REPS2: variants seen among roughly 807,000 people sequenced by gnomAD.
REPS2 encodes ralBP1-associated Eps domain-containing protein 2.
REPS2 carries 23 observed loss-of-function variants against 53.6 expected under a neutral mutation model. The ratio of observed to expected loss-of-function variants is 0.43; its 90% CI spans 0.31 to 0.61. The LOEUF (loss-of-function observed/expected upper bound fraction) is 0.61. Among genes scored for constraint, REPS2 ranks in the 20% least tolerant of loss-of-function variants. The pLI, the probability that REPS2 is intolerant of heterozygous loss-of-function variation, is 0.11. For synonymous variants in REPS2, 238 were observed against 218.6 expected (o/e 1.09, Z -0.78); for missense variants, 446 against 534.9 (o/e 0.83, Z 1.64).
intron 14 of REPS2, among the ~76,000 whole-genome samples, chrX:17,116,388 T>A (rs1468217573): frequency 9.1e-6 from 1 of 110,103 alleles, no homozygotes; most frequent in East Asian, 2.8e-4. Flanking sequence ...TTTTTGTATT[T>A]TTTGTAGAGA....
At chrX:17,185,039 A>G in the REPS2 span, among the ~76,000 whole-genome samples, 2 of 111,205 alleles carry the variant, frequency 1.8e-5, no homozygotes, top group African/African-American at 3.3e-5. Flanking sequence ...GTGGGTTGCC[A>G]GTTTGGTCTA....
the REPS2 span, among the ~76,000 whole-genome samples, chrX:17,176,530 T>A: frequency 9.0e-6 from 1 of 111,509 alleles, no homozygotes; most frequent in African/African-American, 3.3e-5. Flanking sequence ...GAACGTAGAG[T>A]AGTTCTGTTT....
intron 13 of REPS2, among the ~76,000 whole-genome samples, chrX:17,077,864 G>A (rs2062402965): frequency 8.9e-6 from 1 of 112,540 alleles, no homozygotes; most frequent in African/African-American, 3.2e-5. Context: ...GTGTCCTGTA[G>A]GATTTAATGC....
intron 3 of REPS2, among the ~76,000 whole-genome samples, chrX:17,023,635 C>G (rs753334075): frequency 9.0e-6 from 1 of 111,104 alleles, no homozygotes; most frequent in South Asian, 3.8e-4. Context: ...ATAATTCTGA[C>G]ACATTTTAAA....
In REPS2 at chrX:17,072,676, G is replaced by A. The variant is rs184894632; in HGVS notation, c.1334-1438G>A. On this transcript the variant is annotated intron_variant, in intron 11 of 17. Transcript: ENST00000357277. ...AAGCAGTGGGGCCTGAGGGAGAAGA[G>A]GGCCACGGAGCCAGCTGCAGGCAGC... 5.3e-3 allele frequency among the ~76,000 whole-genome samples: 599 copies of A among 112,460 alleles called. 7 individuals are homozygous for A. The highest frequency in any genetic ancestry group is 0.05 in the Admixed American group (537 of 10,709).
the REPS2 span, among the ~76,000 whole-genome samples, chrX:17,191,768 G>A: frequency 2.7e-5 from 3 of 112,397 alleles, no homozygotes; most frequent in African/African-American, 9.7e-5. Flanking sequence ...AAAGAAGTCA[G>A]GCCCCAAAGG....
At chrX:17,015,190 T>C (rs1025693318) in intron 2 of REPS2, among the ~76,000 whole-genome samples, 1 of 112,954 alleles carries the variant, frequency 8.9e-6, no homozygotes, top group African/African-American at 3.2e-5. Flanking sequence ...CCACTTGCCA[T>C]GTGTGGCTAT....
chrX:17,134,692 C>T (rs1337698912), intron 15 of REPS2, among the ~76,000 whole-genome samples: 2 of 109,957 alleles, frequency 1.8e-5, no homozygotes, highest in Admixed American at 9.6e-5. Flanking sequence ...TGCAGTGGCG[C>T]GATCTCGGCT....
intron 13 of REPS2, among the ~76,000 whole-genome samples, chrX:17,086,589 G>C (rs1372130480): frequency 8.9e-6 from 1 of 112,227 alleles, no homozygotes; most frequent in Non-Finnish European, 1.9e-5. Context: ...GCTGGCATGA[G>C]CTTTTTCCAG....
At chrX:17,002,281 C>T (rs1339190383) in intron 1 of REPS2, among the ~76,000 whole-genome samples, 1 of 111,073 alleles carries the variant, frequency 9.0e-6, no homozygotes, top group East Asian at 2.8e-4. Context: ...TGCATTGCTG[C>T]TCAGTTCTTA....
At chrX:17,139,412 G>A (rs1173182218) in intron 17 of REPS2, among the ~76,000 whole-genome samples, 2 of 111,216 alleles carry the variant, frequency 1.8e-5, no homozygotes, top group African/African-American at 3.3e-5. Context: ...TCAGTAGAAG[G>A]AAGTCACCTT....
chrX:17,058,693 C>T (rs2062110243), intron 8 of REPS2, among the ~76,000 whole-genome samples: 1 of 111,370 alleles, frequency 9.0e-6, no homozygotes, highest in East Asian at 2.8e-4. Flanking sequence ...AGGGAAGAAT[C>T]CATCATATAC....
chrX:17,167,169 C>A, the REPS2 span, among the ~76,000 whole-genome samples: 1 of 111,507 alleles, frequency 9.0e-6, no homozygotes, highest in Non-Finnish European at 1.9e-5. Flanking sequence ...ATGACTTCAA[C>A]CATATAAAAT....
At chrX:17,056,482 G>A (rs1279895027) in intron 8 of REPS2, among the ~76,000 whole-genome samples, 1 of 111,699 alleles carries the variant, frequency 9.0e-6, no homozygotes, top group Admixed American at 9.5e-5. Flanking sequence ...GAGGTCAGGA[G>A]ATCGAGACCA....
chrX:16,982,157 T>G (rs983007413), intron 1 of REPS2, among the ~76,000 whole-genome samples: 9 of 112,182 alleles, frequency 8.0e-5, no homozygotes, highest in Admixed American at 1.9e-4. Context: ...CTTTATTCCT[T>G]TTTATGGCCA....
intron 4 of REPS2, among the ~76,000 whole-genome samples, chrX:17,028,290 C>A (rs1004698137): frequency 6.2e-5 from 7 of 112,214 alleles, no homozygotes; most frequent in Non-Finnish European, 5.6e-5. Context: ...TGTTTCAAAC[C>A]TTTTGGCAGA....
chrX:16,966,634 T>C (rs2060773864), intron 1 of REPS2, among the ~76,000 whole-genome samples: 1 of 112,404 alleles, frequency 8.9e-6, no homozygotes, highest in South Asian at 3.6e-4. Context: ...TGTGACTTCA[T>C]GTCAACACTC....
At chrX:16,980,343 G>A (rs749230153) in intron 1 of REPS2, among the ~76,000 whole-genome samples, 6 of 101,794 alleles carry the variant, frequency 5.9e-5, no homozygotes, top group Non-Finnish European at 1.0e-4. Context: ...TCACTCTGTC[G>A]CCAGGCTGGA....
intron 13 of REPS2, among the ~76,000 whole-genome samples, chrX:17,097,988 A>G (rs1405150254): frequency 1.8e-5 from 2 of 111,502 alleles, no homozygotes; most frequent in Admixed American, 1.9e-4. Context: ...AAAATTTCCA[A>G]TCTTATACAA....
Sources: allele counts gnomAD v4.1 joint callset (sites outside exome capture counted in the v4.1 genomes callset), GRCh38; gene constraint gnomAD v4.1.1; transcripts MANE v1.5; gene names NCBI Gene and HGNC (gene_info 2026-07-23, HGNC 2026-07-21).